Variants in UBR1 observed in about 807,000 individuals in gnomAD.
UBR1 encodes ubiquitin protein ligase E3 component n-recognin 1.
UBR1 carries 102 observed loss-of-function variants against 242.1 expected under a neutral mutation model. The ratio of observed to expected loss-of-function variants is 0.42; its 90% confidence interval spans 0.36 to 0.50. The LOEUF is 0.50. Among genes scored for constraint, UBR1 ranks in the 20% least tolerant of loss-of-function variants. The pLI is 0.01. For synonymous variants in UBR1, 675 were observed against 684.8 expected (o/e 0.99, Z 0.22); for missense variants, 1,772 against 2,101.8 (o/e 0.84, Z 3.07).
Position 43,073,849 on chromosome 15 carries a change from C to A in UBR1, c.528+1130G>T, listed in dbSNP as rs562077739. Reference sequence around the variant, plus strand: ...ACCTGGAACCAGGTATTTCTGACAACAAGAAATACCTTATTGCTGTAAGAG... The same window carrying A: ...ACCTGGAACCAGGTATTTCTGACAAAAAGAAATACCTTATTGCTGTAAGAG... On this transcript the variant is annotated intron_variant, in intron 4 of 46. Transcript: ENST00000290650. Among the ~76,000 whole-genome samples, 20 of 152,308 alleles carry A rather than the reference C, an allele frequency of 1.3e-4. No individual in the cohort carries two copies. In the South Asian group the frequency reaches 3.9e-3, roughly 30 times the overall value.
chr15:43,076,432 C>T (rs1358856896), intron 3 of UBR1, among the ~76,000 whole-genome samples: 4 of 151,792 alleles, frequency 2.6e-5, no homozygotes, highest in South Asian at 2.1e-4. Flanking sequence ...CGTCTCTGCC[C>T]GGCCGCCATC....
chr15:43,048,351 A>G (rs1293471453), intron 13 of UBR1, 41 bp downstream of exon 13: 4 of 1,518,210 alleles, frequency 2.6e-6, no homozygotes, highest in Non-Finnish European at 3.6e-6. Flanking sequence ...CAATTTTTAA[A>G]AATAAATTTC....
intron 4 of UBR1, among the ~76,000 whole-genome samples, chr15:43,072,124 T>C (rs1289865471): frequency 6.6e-6 from 1 of 152,190 alleles, no homozygotes; most frequent in Non-Finnish European, 1.5e-5. Context: ...AGTGCTGGGA[T>C]TACAGGCATG....
At chr15:43,015,990 G>T in intron 28 of UBR1, 121 bp from the exon 29 acceptor site, 1 of 844,722 alleles carries the variant, frequency 1.2e-6, no homozygotes, top group Non-Finnish European at 1.9e-6. Context: ...TTACATCCTG[G>T]ATTCAGTTTA....
intron 16 of UBR1, 50 bp from the exon 17 acceptor site, chr15:43,037,933 G>A (rs998772989): frequency 6.6e-7 from 1 of 1,524,304 alleles, no homozygotes; most frequent in Non-Finnish European, 9.0e-7. Flanking sequence ...GCTTAGATGT[G>A]TCTCCAAGTT....
At chr15:43,009,614 A>G (rs914733609) in intron 29 of UBR1, among the ~76,000 whole-genome samples, 1 of 152,228 alleles carries the variant, frequency 6.6e-6, no homozygotes, top group Non-Finnish European at 1.5e-5. Flanking sequence ...GGATCCTGTG[A>G]TACTTCCACT....
intron 23 of UBR1, 28 bp from the exon 24 acceptor site, chr15:43,025,457 C>T: frequency 6.5e-7 from 1 of 1,543,234 alleles, no homozygotes; most frequent in African/African-American, 1.4e-5. Flanking sequence ...ATTAAATATA[C>T]TGCTTTGGAA....
rs184639745 is a variant in UBR1, at chr15:43,086,856, T to C, written c.82-616A>G. Among the ~76,000 whole-genome samples, 320 of 152,246 alleles carry C rather than the reference T, an allele frequency of 2.1e-3. 2 individuals carry two copies. The highest frequency in any genetic ancestry group is 7.3e-3 in the African/African-American group (305 of 41,546). ...AAAATAAAAAACTGGCAATATCAAA[T>C]GCTAACTAGGCCAAAAGTGCTTTCC... On this transcript the variant is annotated intron_variant, in intron 1 of 46. Transcript: ENST00000290650.
At chr15:43,061,552 TAC>T (rs955577888) in intron 6 of UBR1, among the ~76,000 whole-genome samples, 7 of 150,070 alleles carry the variant, frequency 4.7e-5, no homozygotes, top group African/African-American at 1.5e-4. Flanking sequence ...TACACATACA[TAC>T]ACACACATAT....
chr15:42,972,131 C>G (rs938122952), intron 39 of UBR1, among the ~76,000 whole-genome samples: 1 of 152,162 alleles, frequency 6.6e-6, no homozygotes, highest in East Asian at 1.9e-4. Flanking sequence ...TAGTATTTTT[C>G]ATAACAGTTT....
intron 19 of UBR1, among the ~76,000 whole-genome samples, chr15:43,033,164 TGC>T (rs2033279791): frequency 6.6e-6 from 1 of 152,142 alleles, no homozygotes. Flanking sequence ...TGCAGTGGCA[TGC>T]GCCACTGCTC....
intron 1 of UBR1, among the ~76,000 whole-genome samples, chr15:43,088,217 G>A (rs1230345116): frequency 2.6e-5 from 4 of 152,094 alleles, no homozygotes; most frequent in Admixed American, 2.0e-4. Context: ...TGAAGACAGG[G>A]TAATAATCTA....
At chr15:42,953,800 A>T (rs529786601) in intron 44 of UBR1, among the ~76,000 whole-genome samples, 6 of 152,216 alleles carry the variant, frequency 3.9e-5, no homozygotes, top group African/African-American at 1.4e-4. Context: ...AAGTGGTAAT[A>T]TCATCCAGAA....
At chr15:43,026,457 A>C in intron 23 of UBR1, 104 bp downstream of exon 23, 1 of 867,808 alleles carries the variant, frequency 1.2e-6, no homozygotes, top group Non-Finnish European at 1.9e-6. Context: ...GACCTCTATT[A>C]ATAAGAACCA....
chr15:43,047,381 A>T (rs767378746), intron 13 of UBR1, 92 bp from the exon 14 acceptor site: 29 of 1,577,488 alleles, frequency 1.8e-5, no homozygotes, highest in Non-Finnish European at 2.3e-5. Flanking sequence ...GATTCATAAC[A>T]TTTTAACATG....
intron 1 of UBR1, among the ~76,000 whole-genome samples, chr15:43,099,290 T>C (rs1348439239): frequency 6.6e-6 from 1 of 151,586 alleles, no homozygotes; most frequent in African/African-American, 2.4e-5. Flanking sequence ...AGAGCCAAGA[T>C]TGCACCACTG....
chr15:43,040,019 C>T (rs1191728097), intron 15 of UBR1, among the ~76,000 whole-genome samples: 1 of 152,136 alleles, frequency 6.6e-6, no homozygotes, highest in Non-Finnish European at 1.5e-5. Context: ...AATGACCATG[C>T]TGCCCAAGGT....
At chr15:42,977,795 C>A in intron 38 of UBR1, 85 bp downstream of exon 38, 2 of 1,186,346 alleles carry the variant, frequency 1.7e-6, no homozygotes, top group Admixed American at 1.8e-5. Flanking sequence ...AATTTATAAT[C>A]TTGAACAAAG....
intron 44 of UBR1, among the ~76,000 whole-genome samples, chr15:42,953,709 G>A (rs1178255499): frequency 6.6e-6 from 1 of 152,048 alleles, no homozygotes; most frequent in Non-Finnish European, 1.5e-5. Context: ...CACTAGGGAT[G>A]GTTCTGTCTT....
Sources: gnomAD v4.1 joint callset for allele counts (sites outside exome capture counted in the v4.1 genomes callset) on GRCh38, gnomAD v4.1.1 for gene constraint, MANE v1.5 for transcripts, NCBI Gene and HGNC (gene_info 2026-07-23, HGNC 2026-07-21) for gene names.